Variants in DCAF5 observed in about 807,000 individuals in gnomAD.
The protein encoded by DCAF5 is DDB1- and CUL4-associated factor 5.
DCAF5 carries 9 observed loss-of-function variants against 80.7 expected under a neutral mutation model. The observed-to-expected ratio is 0.11, with a 90% CI of 0.07 to 0.19. The LOEUF is 0.19. Among genes scored for constraint, DCAF5 ranks in the 10% least tolerant of loss-of-function variants. DCAF5 has a pLI of 1.00. For missense variants in DCAF5, 842 were observed against 1,205.7 expected, an observed-to-expected ratio of 0.70 and a Z score of 4.47; for synonymous variants, 433 against 461.9, an observed-to-expected ratio of 0.94 and a Z score of 0.80.
chr14:69,075,368 C>G lies in DCAF5; in HGVS notation c.923G>C (p.Arg308Thr). The G allele has an allele frequency of 1.2e-6, 2 of 1,605,552 alleles. No individual in the cohort carries two copies. The highest frequency in any genetic ancestry group is 8.5e-7 in the Non-Finnish European group (1 of 1,174,320). The change falls in exon 7 of 9, where the codon AGA (arginine) becomes ACA (threonine). Residue 308 changes from arginine to threonine, a missense_variant. This residue lies in a region of DCAF5 where 65 missense variants were observed against 191.3 expected (regional missense o/e 0.34). Transcript: ENST00000341516. Reference sequence around the variant, plus strand: ...GCCTGCTTCTGGATCTGCAGGAATTCTCCACATGTACAGGTTGAAGTCATC... The same window carrying G: ...GCCTGCTTCTGGATCTGCAGGAATTGTCCACATGTACAGGTTGAAGTCATC... Reference protein sequence around the residue: ...GSDDFNLYMWRIPADPEAGGI... With the variant: ...GSDDFNLYMWTIPADPEAGGI...
At chr14:69,087,702 T>A (rs559919148) in intron 6 of DCAF5, among the ~76,000 whole-genome samples, 1 of 152,220 alleles carries the variant, frequency 6.6e-6, no homozygotes, top group African/African-American at 2.4e-5. Context: ...GGCAATGTTA[T>A]GTGAATGTAT....
At chr14:69,130,671 CTG>C (rs1396227294) in intron 1 of DCAF5, among the ~76,000 whole-genome samples, 2 of 152,176 alleles carry the variant, frequency 1.3e-5, no homozygotes, top group Non-Finnish European at 2.9e-5. Context: ...TGAGGCAGCT[CTG>C]TCTATACTCA....
rs1323158321 is a variant in DCAF5 at position 69,053,778 on chromosome 14, C to G, written c.*79G>C. The G allele has an allele frequency of 4.7e-5, 66 of 1,392,128 alleles. No homozygotes were observed. Among genetic ancestry groups the G allele is most frequent in the Non-Finnish European group, 5.7e-5 (60 of 1,046,744 alleles). The allele number at this position is 1,392,128 out of a possible 1,614,324, so 86.2% of individuals were successfully genotyped here. On this transcript the variant is annotated 3_prime_UTR_variant, in exon 9 of 9. Coordinates refer to ENST00000341516, the MANE Select transcript of DCAF5 (RefSeq NM_003861.3). ...CATGTGCCTTTAATACTTGTTTTTCCTTTCCTCTGTATTCACTAAACAATT... is the reference window on the plus strand; with the variant it reads ...CATGTGCCTTTAATACTTGTTTTTCGTTTCCTCTGTATTCACTAAACAATT...
intron 1 of DCAF5, among the ~76,000 whole-genome samples, chr14:69,151,603 T>TC (rs1022117297): frequency 2.0e-5 from 3 of 151,696 alleles, no homozygotes; most frequent in African/African-American, 7.3e-5. Flanking sequence ...TCACCCCCCC[T>TC]CCCCTGAGCC....
chr14:69,127,438 C>T (rs965318515), intron 1 of DCAF5, among the ~76,000 whole-genome samples: 29 of 152,128 alleles, frequency 1.9e-4, no homozygotes, highest in African/African-American at 6.5e-4. Context: ...CTGGAAAAGA[C>T]AAAATCATGG....
In DCAF5 at chr14:69,053,818, AG is replaced by A; in HGVS notation, c.*38del. ...ACTAAACAATTTTTTTTTTTTTGTA[AG>A]GCTACTTTTGTAGCTTTTTGTTTTC... On this transcript the variant is annotated 3_prime_UTR_variant, in exon 9 of 9. Coordinates refer to ENST00000341516, the MANE Select transcript of DCAF5 (RefSeq NM_003861.3). The A allele has an allele frequency of 6.5e-7, 1 of 1,529,644 alleles. No homozygotes were observed. Among genetic ancestry groups the A allele is most frequent in the Non-Finnish European group, 8.7e-7 (1 of 1,148,120 alleles). 94.8% of individuals were successfully genotyped at this position (1,529,644 alleles called of 1,614,324 possible).
chr14:69,054,742 T>C lies in DCAF5; in HGVS notation c.1944A>G (p.Ser648=), dbSNP rs770031800. 5 of 1,614,230 alleles carry C rather than the reference T, an allele frequency of 3.1e-6. No homozygotes were observed. The South Asian group carries it at 5.5e-5, about 18-fold the overall frequency. The change falls in exon 9 of 9, where the codon TCA becomes TCG. Residue 648 remains serine (S), a synonymous_variant. Coordinates refer to ENST00000341516, the MANE Select transcript of DCAF5 (RefSeq NM_003861.3). The stretch of plus-strand genomic sequence containing the variant: ...CAACTGATTCTATGTCAGAAGTTGG[T>C]GATGCCCGGCTTGGTTGAATCTCTA... ...STLEIQPSRA[S]PTSDIESVER... is the part of the protein sequence containing the mutation.
chr14:69,085,994 C>A (rs563935475), intron 6 of DCAF5, among the ~76,000 whole-genome samples: 42 of 152,328 alleles, frequency 2.8e-4, no homozygotes, highest in Admixed American at 1.5e-3. Flanking sequence ...TTTCACACTA[C>A]TGTCGGCCTC....
In DCAF5 at chr14:69,118,156, C is replaced by T. The variant is rs1252661523; in HGVS notation, c.518G>A (p.Arg173Gln). 1 of 1,613,854 alleles carries T rather than the reference C, an allele frequency of 6.2e-7. No individual in the cohort carries two copies. The highest frequency in any genetic ancestry group is 8.5e-7 in the Non-Finnish European group (1 of 1,179,840). ...GAGCCTACCTCCATGGGGGGATTCC[C>T]GAATGTCCCAAATGAGAACCCGGCC... ...DDGRVLIWDI[R>Q]ESPHGEPFCL... is the part of the protein sequence containing the mutation. The change falls in exon 4 of 9, where the codon CGG becomes CAG. Residue 173 changes from arginine (R) to glutamine (Q), a missense_variant. Arg to Gln is a conservative substitution (Grantham distance 43). Coordinates refer to ENST00000341516, the MANE Select transcript of DCAF5 (RefSeq NM_003861.3). This position sits in a 1 kb window ranked among gnomAD's most constrained non-coding sequence, Gnocchi z 4.0.
chr14:69,074,877 T>C (rs2038840385), intron 7 of DCAF5, among the ~76,000 whole-genome samples: 1 of 151,878 alleles, frequency 6.6e-6, no homozygotes, highest in African/African-American at 2.4e-5. Context: ...CTACTAAAAA[T>C]ACAAAAAATT....
At chr14:69,145,855 A>G (rs929259483) in intron 1 of DCAF5, among the ~76,000 whole-genome samples, 1 of 152,222 alleles carries the variant, frequency 6.6e-6, no homozygotes, top group African/African-American at 2.4e-5. Context: ...AGACCATAAA[A>G]AGAAGACAGA....
chr14:69,134,883 G>A (rs1056217758), intron 1 of DCAF5, among the ~76,000 whole-genome samples: 2 of 152,140 alleles, frequency 1.3e-5, no homozygotes, highest in African/African-American at 4.8e-5. Flanking sequence ...GACATATATC[G>A]AATGTATCTT....
chr14:69,069,719 C>T lies in DCAF5; in HGVS notation c.946+5626G>A, dbSNP rs1340096589. Among the ~76,000 whole-genome samples, 3 of 152,116 alleles carry T rather than the reference C, an allele frequency of 2.0e-5. No individual in the cohort carries two copies. In the East Asian group the frequency reaches 5.8e-4, roughly 29 times the overall value. ...CAAACTCATGGGTTCAACTGATCTT[C>T]CCGCCTCAGCCTCCCAAAGTGCCAG... On this transcript the variant is annotated intron_variant, in intron 7 of 8. Transcript: ENST00000341516.
At chr14:69,111,458 C>T (rs1000177036) in intron 5 of DCAF5, among the ~76,000 whole-genome samples, 5 of 152,170 alleles carry the variant, frequency 3.3e-5, no homozygotes, top group Non-Finnish European at 7.3e-5. Context: ...AAAAACCACT[C>T]TCTTTATTAT....
At chr14:69,150,139 T>TC (rs2140133579) in intron 1 of DCAF5, among the ~76,000 whole-genome samples, 1 of 152,246 alleles carries the variant, frequency 6.6e-6, no homozygotes, top group East Asian at 1.9e-4. Flanking sequence ...GCTAGGTGTA[T>TC]CTTAGCCAAA....
chr14:69,055,662 CT>C lies in DCAF5; in HGVS notation c.1075-52del. ...CAACAAGGAGTAACTGGAAAGTATT[CT>C]TTCACTGGTGGTGATAAAGAACACC... is the stretch of plus-strand genomic sequence containing the variant. On this transcript the variant is annotated intron_variant, in intron 8 of 8. Transcript: ENST00000341516. This position sits in a 1 kb window ranked among gnomAD's most constrained non-coding sequence, Gnocchi z 5.6. The C allele has an allele frequency of 6.6e-7, 1 of 1,524,732 alleles. No homozygotes were observed. Among genetic ancestry groups the C allele is most frequent in the Non-Finnish European group, 8.9e-7 (1 of 1,129,008 alleles). 94.5% of individuals were successfully genotyped at this position (1,524,732 alleles called of 1,614,324 possible). A position where few individuals can be genotyped will look rare whatever the true frequency, so the allele number is the denominator to read the frequency against.
intron 5 of DCAF5, among the ~76,000 whole-genome samples, chr14:69,096,641 C>G (rs1825924678): frequency 6.6e-6 from 1 of 151,980 alleles, no homozygotes; most frequent in Admixed American, 6.6e-5. Context: ...TTTTTTGGCC[C>G]ACAGGTTCCA....
intron 6 of DCAF5, chr14:69,090,007 C>T: frequency 3.0e-6 from 3 of 985,422 alleles, no homozygotes; most frequent in Non-Finnish European, 2.4e-6. Flanking sequence ...GGCTTTGTTG[C>T]TAAACACAAC....
Position 69,052,767 on chromosome 14 carries a change from T to A in DCAF5, c.*1090A>T, listed in dbSNP as rs1167458304. The A allele has an allele frequency of 6.6e-6, 1 of 152,252 alleles. No homozygotes were observed. The highest frequency in any genetic ancestry group is 1.5e-5 in the Non-Finnish European group (1 of 68,056). The allele number at this position is 152,252 out of a possible 1,614,324, so 9.4% of individuals were successfully genotyped here. On this transcript the variant is annotated 3_prime_UTR_variant, in exon 9 of 9. Transcript: ENST00000341516. ...GAGATGCCTACTGCTCTGCAAAGTCTAGTGAGAACACCACAGCCTCTATCA... is the reference window on the plus strand; with the variant it reads ...GAGATGCCTACTGCTCTGCAAAGTCAAGTGAGAACACCACAGCCTCTATCA...
Sources: gnomAD v4.1 joint callset for allele counts (sites outside exome capture counted in the v4.1 genomes callset) on GRCh38, gnomAD v4.1.1 for gene constraint, gnomAD v4.1.1 regional missense constraint, Gnocchi (gnomAD v3.1) non-coding constraint, MANE v1.5 for transcripts, NCBI Gene and HGNC (gene_info 2026-07-23, HGNC 2026-07-21) for gene names.